The following TATDN2 variants were observed in gnomAD, a reference collection of about 807,000 sequenced individuals.
The protein encoded by TATDN2 is 3'-5' RNA nuclease TATDN2.
TATDN2 carries 44 observed loss-of-function variants against 60.3 expected under a neutral mutation model. The ratio of observed to expected loss-of-function variants is 0.73; its 90% CI spans 0.57 to 0.94. The LOEUF (loss-of-function observed/expected upper bound fraction) is 0.94, where lower values mean the gene tolerates loss of function less well. Ranked by LOEUF, TATDN2 falls within the 40% of genes least tolerant of loss-of-function variation. The pLI, the probability that TATDN2 is intolerant of heterozygous loss-of-function variation, is 0.00. For synonymous variants in TATDN2, 399 were observed against 355.8 expected (o/e 1.12, Z -1.37); for missense variants, 997 against 948.0 (o/e 1.05, Z -0.68).
At chr3:10,263,417 T>C (rs895056674) in intron 3 of TATDN2, among the ~76,000 whole-genome samples, 2 of 152,060 alleles carry the variant, frequency 1.3e-5, no homozygotes, top group Non-Finnish European at 2.9e-5. Flanking sequence ...CTCTCTAGCT[T>C]CTCTACCTTC....
chr3:10,264,416 G>A (rs59032522), intron 3 of TATDN2, among the ~76,000 whole-genome samples: 4,609 of 152,168 alleles, frequency 0.03, 227 homozygotes, highest in African/African-American at 0.1. Context: ...TTGTAGAGGG[G>A]TTTTATTTGT....
At chr3:10,262,609 C>T (rs1463128977) in intron 3 of TATDN2, among the ~76,000 whole-genome samples, 2 of 136,208 alleles carry the variant, frequency 1.5e-5, no homozygotes, top group African/African-American at 2.8e-5. Context: ...GATCTTGGCT[C>T]ACTGCAGCCT....
chr3:10,257,868 TTTTTTTTTGG>T (rs1302063863), intron 2 of TATDN2, among the ~76,000 whole-genome samples: 5 of 90,014 alleles, frequency 5.6e-5, no homozygotes, highest in South Asian at 8.1e-4. Context: ...TTTTTTTTTT[TTTTTTTTTGG>T]GAGATGGAGT....
intron 3 of TATDN2, among the ~76,000 whole-genome samples, chr3:10,262,244 T>C (rs1023787999): frequency 1.3e-5 from 2 of 152,350 alleles, no homozygotes; most frequent in Non-Finnish European, 1.5e-5. Context: ...CAGCTGTCTC[T>C]CTGGAGCCTC....
Position 10,278,531 on chromosome 3 carries a change from C to T in TATDN2, c.2145+69C>T, listed in dbSNP as rs1046178028. 1 of 1,592,048 alleles carries T rather than the reference C, an allele frequency of 6.3e-7. No individual in the cohort carries two copies. The highest frequency in any genetic ancestry group is 1.7e-5 in the Admixed American group (1 of 59,596). The stretch of plus-strand genomic sequence containing the variant: ...GTGGGGAGGTGGGTGGTCACCCTTA[C>T]AAGGTTGGCAGGGCCAGAGCCCCAG... On this transcript the variant is annotated intron_variant, in intron 6 of 7. Transcript: ENST00000448281. This position sits in a 1 kb window ranked among gnomAD's most constrained non-coding sequence, Gnocchi z 4.7.
chr3:10,270,757 C>A lies in TATDN2; in HGVS notation c.1575C>A (p.Ser525=). The A allele has an allele frequency of 1.9e-6, 3 of 1,614,244 alleles. No individual in the cohort carries two copies. Among genetic ancestry groups the A allele is most frequent in the Non-Finnish European group, 2.5e-6 (3 of 1,180,046 alleles). ...AGTTCAGAAAAATTTACAGCAGCTC[C>A]TTCCCTAAGGAATTTCAGGGCTGCA... ...FTKFRKIYSS[S]FPKEFQGCIS... Residue 525 remains serine, a synonymous_variant, in exon 4 of 8, where the codon TCC becomes TCA. Transcript: ENST00000448281.
chr3:10,249,903 G>T (rs1698196056), intron 2 of TATDN2, among the ~76,000 whole-genome samples: 1 of 152,164 alleles, frequency 6.6e-6, no homozygotes, highest in Non-Finnish European at 1.5e-5. Context: ...TGATTTATTG[G>T]GCTGAGGTGT....
chr3:10,262,158 T>TC lies in TATDN2; in HGVS notation c.948+1489dup, dbSNP rs767132956. 8.8e-4 allele frequency among the ~76,000 whole-genome samples: 134 copies of TC among 152,334 alleles called. 1 individual carries two copies. The highest frequency in any genetic ancestry group is 1.5e-3 in the Non-Finnish European group (105 of 68,032). On this transcript the variant is annotated intron_variant, in intron 3 of 7. Transcript: ENST00000448281. ...AAATAAGGAATCTGTTTCTTTTTTT[T>TC]CTCTCTTGGAGGTATACGTCCTCAG...
chr3:10,250,310 G>T (rs532536823), intron 2 of TATDN2, among the ~76,000 whole-genome samples: 1 of 151,944 alleles, frequency 6.6e-6, no homozygotes, highest in African/African-American at 2.4e-5. Context: ...CTCAATCAAG[G>T]CTTTGAACAA....
rs147486673 is a variant in TATDN2, at chr3:10,249,262, G to A, written c.62G>A (p.Arg21His). The change falls in exon 2 of 8, where the codon CGC (arginine) becomes CAC (histidine). Residue 21 changes from arginine (R) to histidine (H), a missense_variant. By Grantham distance (29) the Arg-to-His change is conservative. Coordinates refer to ENST00000448281, the MANE Select transcript of TATDN2 (RefSeq NM_014760.4). The stretch of plus-strand genomic sequence containing the variant: ...AGCAGCACGTCGGAAGGGTGTCCCC[G>A]CAAGCGCAGCTGCCTCCGGGAGCCC... ...NWSSTSEGCP[R>H]KRSCLREPCD... 3.8e-6 allele frequency: 6 copies of A among 1,574,348 alleles called. No homozygotes were observed. In the African/African-American group the frequency reaches 4.1e-5, roughly 11 times the overall value.
At chr3:10,261,534 T>C (rs1174894172) in intron 3 of TATDN2, among the ~76,000 whole-genome samples, 1 of 151,946 alleles carries the variant, frequency 6.6e-6, no homozygotes, top group Non-Finnish European at 1.5e-5. Context: ...CCAAACCGGC[T>C]AATTTTTGTA....
At chr3:10,257,396 C>T (rs1049279872) in intron 2 of TATDN2, among the ~76,000 whole-genome samples, 7 of 149,924 alleles carry the variant, frequency 4.7e-5, no homozygotes, top group Non-Finnish European at 7.4e-5. Flanking sequence ...TTTGGGAGGC[C>T]GAGGTGGGTG....
At chr3:10,276,120 G>C (rs1576017335) in intron 4 of TATDN2, among the ~76,000 whole-genome samples, 1 of 152,256 alleles carries the variant, frequency 6.6e-6, no homozygotes, top group East Asian at 1.9e-4. Context: ...CTCACTGCAT[G>C]CTGCGCAGAC....
Position 10,278,183 on chromosome 3 carries a change from C to G in TATDN2, c.1962-96C>G. ...TCCCTAGGATGCAGTCTTTCCATTT[C>G]TGGGAATCATTGAAAAGGGGTGATG... On this transcript the variant is annotated intron_variant, in intron 5 of 7. Coordinates refer to ENST00000448281, the MANE Select transcript of TATDN2 (RefSeq NM_014760.4). The surrounding 1 kb of genome is among the most constrained non-coding windows in gnomAD (Gnocchi z 4.7). 7.2e-7 allele frequency: 1 copy of G among 1,386,560 alleles called. No individual in the cohort carries two copies. The highest frequency in any genetic ancestry group is 9.9e-7 in the Non-Finnish European group (1 of 1,009,160). The allele number at this position is 1,386,560 out of a possible 1,614,324, so 85.9% of individuals were successfully genotyped here. A position where few individuals can be genotyped will look rare whatever the true frequency, so the allele number is the denominator to read the frequency against.
At chr3:10,277,027 CA>C (rs1297741754) in intron 5 of TATDN2, among the ~76,000 whole-genome samples, 7 of 151,234 alleles carry the variant, frequency 4.6e-5, no homozygotes, top group Non-Finnish European at 1.0e-4. Context: ...CCAGTGAGCA[CA>C]AGGGGCCTTT....
chr3:10,251,534 C>T (rs75072991), intron 2 of TATDN2, among the ~76,000 whole-genome samples: 4,209 of 151,656 alleles, frequency 0.028, 189 homozygotes, highest in African/African-American at 0.095. Context: ...TACAGGTGTG[C>T]GCTACCGTGC....
rs560272860 is a variant in TATDN2 at position 10,264,313 on chromosome 3, C to T, written c.948+3643C>T. On this transcript the variant is annotated intron_variant, in intron 3 of 7. Coordinates refer to ENST00000448281, the MANE Select transcript of TATDN2 (RefSeq NM_014760.4). Reference sequence around the variant, plus strand: ...GCTTAGGTCTCAGCCTTCTCTTGGTCTGCCAGTGAGGTGTTATTTGGCCAT... The same window carrying T: ...GCTTAGGTCTCAGCCTTCTCTTGGTTTGCCAGTGAGGTGTTATTTGGCCAT... Among the ~76,000 whole-genome samples, 126 of 152,312 alleles carry T rather than the reference C, an allele frequency of 8.3e-4. No homozygotes were observed. The South Asian group carries it at 0.026, about 31-fold the overall frequency.
At chr3:10,255,937 T>C (rs970834810) in intron 2 of TATDN2, among the ~76,000 whole-genome samples, 16 of 152,038 alleles carry the variant, frequency 1.1e-4, no homozygotes, top group Admixed American at 9.2e-4. Flanking sequence ...AGTGAGACTG[T>C]CTCAGAAAAT....
In TATDN2 at chr3:10,271,019, A is replaced by G; in HGVS notation, c.1833+4A>G. On this transcript the variant is annotated splice_donor_region_variant and intron_variant, in intron 4 of 7. Transcript: ENST00000448281. ...GCCTGTCCCAGAACAGCACAAGGTA[A>G]CAAGGCTCTCTTTAGTCTGCTTATA... The G allele has an allele frequency of 1.3e-6, 2 of 1,549,376 alleles. No individual in the cohort carries two copies. The highest frequency in any genetic ancestry group is 1.7e-6 in the Non-Finnish European group (2 of 1,153,444).
Sources: allele counts gnomAD v4.1 joint callset (sites outside exome capture counted in the v4.1 genomes callset), GRCh38; gene constraint gnomAD v4.1.1; non-coding constraint Gnocchi (gnomAD v3.1); transcripts MANE v1.5; gene names NCBI Gene and HGNC (gene_info 2026-07-23, HGNC 2026-07-21).